PBX1: variants seen among roughly 807,000 people sequenced by gnomAD.
The protein encoded by PBX1 is PBX homeobox 1.
A neutral mutation model predicts 53.4 loss-of-function variants in PBX1; 6 were observed. The ratio of observed to expected loss-of-function variants is 0.11; its 90% CI spans 0.06 to 0.22. The LOEUF is 0.22. Ranked by LOEUF, PBX1 falls within the 10% of genes least tolerant of loss-of-function variation. The pLI is 1.00. For missense variants in PBX1, 251 were observed against 551.4 expected, an observed-to-expected ratio of 0.46 and a Z score of 5.46; for synonymous variants, 204 against 212.3, an observed-to-expected ratio of 0.96 and a Z score of 0.34.
chr1:164,735,051 G>T (rs1393852811), intron 2 of PBX1, among the ~76,000 whole-genome samples: 3 of 152,186 alleles, frequency 2.0e-5, no homozygotes, highest in Non-Finnish European at 4.4e-5. Context: ...GTATTATGCA[G>T]TTATTTACAC....
At chr1:164,631,420 G>T (rs1453109005) in intron 2 of PBX1, among the ~76,000 whole-genome samples, 2 of 151,890 alleles carry the variant, frequency 1.3e-5, no homozygotes, top group Non-Finnish European at 2.9e-5. Context: ...GGAGGAGAGG[G>T]ACAAAAAAAT....
At chr1:164,585,926 A>C (rs1654921891) in intron 2 of PBX1, among the ~76,000 whole-genome samples, 1 of 152,228 alleles carries the variant, frequency 6.6e-6, no homozygotes, top group Non-Finnish European at 1.5e-5. Context: ...TCTGTATAAC[A>C]TCCTTTGAAT....
chr1:164,784,241 G>T (rs1668065338), intron 2 of PBX1, among the ~76,000 whole-genome samples: 1 of 152,146 alleles, frequency 6.6e-6, no homozygotes, highest in South Asian at 2.1e-4. Flanking sequence ...ACCAACTTCT[G>T]TAGCTCCTGT....
At chr1:164,568,510 A>G (rs750680522) in intron 2 of PBX1, among the ~76,000 whole-genome samples, 20 of 152,286 alleles carry the variant, frequency 1.3e-4, no homozygotes, top group Non-Finnish European at 2.4e-4. Flanking sequence ...TTTACCTGCA[A>G]TGGTGTGGTA....
intron 2 of PBX1, chr1:164,642,875 A>T (rs1001807033): frequency 6.6e-6 from 1 of 152,122 alleles, no homozygotes; most frequent in African/African-American, 2.4e-5. Context: ...GTTGTTTCAG[A>T]TGAAAGGATA....
intron 2 of PBX1, among the ~76,000 whole-genome samples, chr1:164,739,670 CT>C (rs1665493931): frequency 1.3e-5 from 2 of 151,670 alleles, no homozygotes; most frequent in South Asian, 4.2e-4. Flanking sequence ...TTTTTTCTTC[CT>C]TTTCATTTAA....
intron 2 of PBX1, among the ~76,000 whole-genome samples, chr1:164,600,546 G>T (rs1486294023): frequency 2.6e-5 from 4 of 152,204 alleles, no homozygotes; most frequent in Non-Finnish European, 5.9e-5. Context: ...ACTGCGCCTA[G>T]CCTACTACTG....
chr1:164,725,110 C>T (rs78063288), intron 2 of PBX1, among the ~76,000 whole-genome samples: 24,498 of 152,070 alleles, frequency 0.16, 2,576 homozygotes, highest in South Asian at 0.31. Context: ...CCCCCCACCC[C>T]CTTCCTGCAT....
At chr1:164,853,442 G>A (rs1671903967), downstream of PBX1, among the ~76,000 whole-genome samples, 1 of 152,154 alleles carries the variant, frequency 6.6e-6, no homozygotes, top group African/African-American at 2.4e-5. Context: ...ACTTTCAGTA[G>A]AGACATTTCC....
chr1:164,841,186 CA>C (rs749065677), intron 8 of PBX1, among the ~76,000 whole-genome samples: 11 of 152,192 alleles, frequency 7.2e-5, no homozygotes, highest in South Asian at 6.2e-4. Flanking sequence ...AAAGCATGGC[CA>C]GGGGACAGAT....
At chr1:164,826,681 A>G (rs1304223088) in intron 8 of PBX1, among the ~76,000 whole-genome samples, 2 of 152,206 alleles carry the variant, frequency 1.3e-5, no homozygotes, top group Non-Finnish European at 2.9e-5. Flanking sequence ...CTGGGATTAT[A>G]GGTGTGAGCC....
chr1:164,707,418 T>TGTGTGTGAGAGAGAGAGAGA (rs58617739), intron 2 of PBX1, among the ~76,000 whole-genome samples: 34 of 118,258 alleles, frequency 2.9e-4, no homozygotes, highest in African/African-American at 1.1e-3. Context: ...TGTGTGTGTG[T>TGTGTGTGAGAGAGAGAGAGA]GAGAGAGAGA....
In PBX1 at chr1:164,846,593, G is replaced by A; in HGVS notation, c.1210G>A (p.Gly404Ser). The change falls in exon 9 of 9, where the codon GGT (glycine) becomes AGT (serine). Residue 404 changes from glycine (G) to serine (S), a missense_variant. Physicochemically the swap from Gly to Ser is moderately conservative, Grantham distance 56. Around this residue, in one of 4 missense-constraint regions of PBX1, gnomAD observed 92 missense variants for 130.4 expected, o/e 0.71. Coordinates refer to ENST00000420696, the MANE Select transcript of PBX1 (RefSeq NM_002585.4). Reference protein sequence around the residue: ...YSPQGISANGGWQDATTPSSV... With the variant: ...YSPQGISANGSWQDATTPSSV... ...CCTTTTTCCCTTCTAGGCTAATGGA[G>A]GTTGGCAGGATGCTACTACCCCTTC... The A allele has an allele frequency of 1.9e-6, 3 of 1,614,062 alleles. No homozygotes were observed. Among genetic ancestry groups the A allele is most frequent in the Admixed American group, 1.7e-5 (1 of 60,030 alleles).
intron 2 of PBX1, among the ~76,000 whole-genome samples, chr1:164,754,261 T>C (rs1666386424): frequency 6.6e-6 from 1 of 152,166 alleles, no homozygotes; most frequent in African/African-American, 2.4e-5. Context: ...CTTTAGAGTG[T>C]TTCTTTTCTT....
intron 5 of PBX1, among the ~76,000 whole-genome samples, chr1:164,811,041 G>A (rs1028702904): frequency 6.6e-6 from 1 of 152,074 alleles, no homozygotes; most frequent in Non-Finnish European, 1.5e-5. Context: ...TGTAAGCTGT[G>A]GTACATGTGG....
At position 164,678,163 on chromosome 1, in the gene PBX1, G is replaced by A. The variant is rs564928298; in HGVS notation, c.266-114331G>A. On this transcript the variant is annotated intron_variant, in intron 2 of 8. Coordinates refer to ENST00000420696, the MANE Select transcript of PBX1 (RefSeq NM_002585.4). ...GTGATCCAATGGAATTGTTTACTGC[G>A]CATGTATCCATATGTTTATATAGGA... 7.9e-5 allele frequency among the ~76,000 whole-genome samples: 12 copies of A among 152,112 alleles called. 1 individual carries two copies. The highest frequency in any genetic ancestry group is 3.2e-3 in the Middle Eastern group (1 of 316).
rs1671685890 is a variant in PBX1 at position 164,848,682 on chromosome 1, A to C, written c.*2006A>C. On this transcript the variant is annotated 3_prime_UTR_variant, in exon 9 of 9. Transcript: ENST00000420696. The stretch of plus-strand genomic sequence containing the variant: ...GTTCCCTTAGTTTGCACTTGAACCC[A>C]ATATGTTGCCTTGTACATACTTGGT... The C allele has an allele frequency of 9.5e-7, 1 of 1,055,798 alleles. No individual in the cohort carries two copies. Among genetic ancestry groups the C allele is most frequent in the Non-Finnish European group, 1.1e-6 (1 of 873,446 alleles). 65.4% of individuals were successfully genotyped at this position (1,055,798 alleles called of 1,614,324 possible).
chr1:164,713,375 A>G (rs1663909143), intron 2 of PBX1, among the ~76,000 whole-genome samples: 1 of 152,232 alleles, frequency 6.6e-6, no homozygotes, highest in Non-Finnish European at 1.5e-5. Context: ...AAAAACAGGT[A>G]AGTTTCCAAT....
chr1:164,756,084 G>T (rs1191413193), intron 2 of PBX1, among the ~76,000 whole-genome samples: 1 of 151,918 alleles, frequency 6.6e-6, no homozygotes, highest in African/African-American at 2.4e-5. Context: ...TAATATCTGT[G>T]CTGGCACGTT....
Sources: gnomAD v4.1 joint callset for allele counts (sites outside exome capture counted in the v4.1 genomes callset) on GRCh38, gnomAD v4.1.1 for gene constraint, gnomAD v4.1.1 regional missense constraint, MANE v1.5 for transcripts, NCBI Gene and HGNC (gene_info 2026-07-23, HGNC 2026-07-21) for gene names.